The following LIPI variants were observed in gnomAD, a reference collection of about 807,000 sequenced individuals.
LIPI encodes lipase I.
Under a neutral mutation model 50.6 loss-of-function variants are expected in LIPI, and 59 were observed. The observed-to-expected ratio is 1.16, with a 90% confidence interval of 0.94 to 1.45. LIPI has a LOEUF of 1.45. Ranked by LOEUF, LIPI falls within the 40% of genes most tolerant of loss-of-function variation. The pLI, the probability that LIPI is intolerant of heterozygous loss-of-function variation, is 0.00. For synonymous variants in LIPI, 203 were observed against 178.2 expected (o/e 1.14, Z -1.11); for missense variants, 586 against 536.3 (o/e 1.09, Z -0.92).
At position 14,108,979 on chromosome 21, in the gene LIPI, T is replaced by A; in HGVS notation, c.*14A>T. On this transcript the variant is annotated 3_prime_UTR_variant, in exon 10 of 10. Transcript: ENST00000681601. The stretch of plus-strand genomic sequence containing the variant: ...TTAATTCACAAGCAAGTGCATTTGA[T>A]GGAAGAAGGCATCTTATGTGTTCTT... 6.2e-7 allele frequency: 1 copy of A among 1,611,438 alleles called. No homozygotes were observed. The highest frequency in any genetic ancestry group is 8.5e-7 in the Non-Finnish European group (1 of 1,178,034).
intron 1 of LIPI, among the ~76,000 whole-genome samples, chr21:14,196,766 C>T (rs749425856): frequency 6.6e-6 from 1 of 152,070 alleles, no homozygotes; most frequent in Non-Finnish European, 1.5e-5. Context: ...ATCAAGGCTG[C>T]AGTGAGCCAT....
At chr21:14,157,427 T>C (rs1016106087) in intron 7 of LIPI, among the ~76,000 whole-genome samples, 1 of 151,938 alleles carries the variant, frequency 6.6e-6, no homozygotes, top group Admixed American at 6.6e-5. Flanking sequence ...AGGCCAATAA[T>C]AGAGGCAGGA....
intron 9 of LIPI, among the ~76,000 whole-genome samples, chr21:14,128,643 G>T (rs1170669049): frequency 6.6e-6 from 1 of 151,600 alleles, no homozygotes; most frequent in Non-Finnish European, 1.5e-5. Flanking sequence ...AATAGTCAAA[G>T]AAATCATCAA....
At chr21:14,162,477 C>T (rs916148590) in intron 7 of LIPI, among the ~76,000 whole-genome samples, 1 of 151,734 alleles carries the variant, frequency 6.6e-6, no homozygotes, top group African/African-American at 2.4e-5. Flanking sequence ...ATAGGAAAAT[C>T]TGATTAAGAT....
At chr21:14,166,691 G>T (rs186454606) in intron 4 of LIPI, among the ~76,000 whole-genome samples, 2 of 152,224 alleles carry the variant, frequency 1.3e-5, no homozygotes, top group East Asian at 3.9e-4. Flanking sequence ...GTTTTTTGTG[G>T]TATGACCGCA....
At chr21:14,193,656 T>C (rs2019751247) in intron 1 of LIPI, among the ~76,000 whole-genome samples, 1 of 152,016 alleles carries the variant, frequency 6.6e-6, no homozygotes, top group Admixed American at 6.6e-5. Flanking sequence ...TATATTAAAA[T>C]GCTGAAACAG....
intron 9 of LIPI, among the ~76,000 whole-genome samples, chr21:14,126,778 G>C (rs946193900): frequency 6.6e-6 from 1 of 152,152 alleles, no homozygotes; most frequent in Non-Finnish European, 1.5e-5. Flanking sequence ...ATCTGCCACA[G>C]ATACTGAGGA....
chr21:14,175,007 T>C (rs2019045921), intron 4 of LIPI, among the ~76,000 whole-genome samples: 1 of 152,250 alleles, frequency 6.6e-6, no homozygotes, highest in South Asian at 2.1e-4. Flanking sequence ...ATCCACATTG[T>C]CAGGTGTAAA....
intron 3 of LIPI, among the ~76,000 whole-genome samples, chr21:14,184,001 A>G (rs2019365455): frequency 6.6e-6 from 1 of 152,220 alleles, no homozygotes; most frequent in Non-Finnish European, 1.5e-5. Context: ...ATTATAAATC[A>G]TGCTGCTATA....
intron 9 of LIPI, among the ~76,000 whole-genome samples, chr21:14,110,650 C>T (rs1442081510): frequency 6.6e-6 from 1 of 151,814 alleles, no homozygotes; most frequent in Non-Finnish European, 1.5e-5. Flanking sequence ...AACTGCCCAG[C>T]CTCTGGTAAC....
chr21:14,125,620 C>T (rs186204862), intron 9 of LIPI, among the ~76,000 whole-genome samples: 10 of 152,292 alleles, frequency 6.6e-5, no homozygotes, highest in East Asian at 5.8e-4. Flanking sequence ...AGCAGTGGCG[C>T]GATCTCTGCT....
chr21:14,177,463 A>G (rs1600903126), intron 4 of LIPI, among the ~76,000 whole-genome samples: 1 of 152,090 alleles, frequency 6.6e-6, no homozygotes, highest in East Asian at 1.9e-4. Flanking sequence ...CTATCTTATT[A>G]TCTACCTTCT....
chr21:14,197,203 CAG>C lies in LIPI; in HGVS notation c.47-7786_47-7785del, dbSNP rs368536316. Among the ~76,000 whole-genome samples, 32 of 151,358 alleles carry C rather than the reference CAG, an allele frequency of 2.1e-4. No individual in the cohort carries two copies. In the East Asian group the frequency reaches 2.7e-3, roughly 13 times the overall value. Reference sequence around the variant, plus strand: ...ATAGAAATATAATTTATTAAAATAACAGAATGCTTTTTTATTTTATGCCAATT... The same window carrying C: ...ATAGAAATATAATTTATTAAAATAACAATGCTTTTTTATTTTATGCCAATT... On this transcript the variant is annotated intron_variant, in intron 1 of 9. Coordinates refer to ENST00000681601, the MANE Select transcript of LIPI (RefSeq NM_001302998.2).
At chr21:14,154,647 G>A (rs2018214270) in intron 7 of LIPI, among the ~76,000 whole-genome samples, 1 of 152,016 alleles carries the variant, frequency 6.6e-6, no homozygotes, top group South Asian at 2.1e-4. Context: ...AAGGCTCTCT[G>A]AGGCAACTTG....
rs1222382998 is a variant in LIPI at position 14,188,099 on chromosome 21, C to G, written c.432+935G>C. Among the ~76,000 whole-genome samples the G allele has an allele frequency of 1.3e-5, 2 of 152,266 alleles. 1 individual carries two copies. Among genetic ancestry groups the G allele is most frequent in the South Asian group, 4.2e-4 (2 of 4,810 alleles). On this transcript the variant is annotated intron_variant, in intron 2 of 9. Transcript: ENST00000681601. ...AATCAGATATCACCCTTCTTTCTCT[C>G]AAGTACCCACAACTACCTACTTTCT... is the stretch of plus-strand genomic sequence containing the variant.
intron 9 of LIPI, among the ~76,000 whole-genome samples, chr21:14,130,135 C>T (rs1016207837): frequency 5.9e-5 from 9 of 152,046 alleles, no homozygotes; most frequent in African/African-American, 2.2e-4. Flanking sequence ...TTCTAGAGTC[C>T]CAGTCCCCAT....
intron 9 of LIPI, among the ~76,000 whole-genome samples, chr21:14,122,317 C>A (rs2016894931): frequency 6.6e-6 from 1 of 152,204 alleles, no homozygotes; most frequent in African/African-American, 2.4e-5. Context: ...AAGTCATGGG[C>A]AACCTCAAGT....
At chr21:14,153,779 C>T (rs530709472) in intron 7 of LIPI, among the ~76,000 whole-genome samples, 145 of 152,170 alleles carry the variant, frequency 9.5e-4, no homozygotes, top group African/African-American at 3.3e-3. Context: ...AGCCATAAAC[C>T]TCATAATTGA....
At chr21:14,112,367 A>G (rs920557341) in intron 9 of LIPI, among the ~76,000 whole-genome samples, 1 of 151,946 alleles carries the variant, frequency 6.6e-6, no homozygotes, top group Non-Finnish European at 1.5e-5. Flanking sequence ...TTCTATTTCA[A>G]TGGAGAATGT....
Sources: gnomAD v4.1 joint callset for allele counts (sites outside exome capture counted in the v4.1 genomes callset) on GRCh38, gnomAD v4.1.1 for gene constraint, MANE v1.5 for transcripts, NCBI Gene and HGNC (gene_info 2026-07-23, HGNC 2026-07-21) for gene names.